Variants in RYR3 observed in about 807,000 individuals in gnomAD.
RYR3 encodes the protein ryanodine receptor 3.
Under a neutral mutation model 584.3 loss-of-function variants are expected in RYR3, and 207 were observed. That is an observed-to-expected ratio of 0.35 (90% CI 0.32 to 0.40). The LOEUF (loss-of-function observed/expected upper bound fraction) is 0.40. Ranked by LOEUF, RYR3 falls within the 10% of genes least tolerant of loss-of-function variation. The probability of loss-of-function intolerance (pLI) is 1.00; values close to 1 mark genes in which losing one functional copy is unlikely to be tolerated. For missense variants in RYR3, 5,616 were observed against 6,089.2 expected (o/e 0.92, Z 2.59); for synonymous variants, 2,416 against 2,248.5 (o/e 1.07, Z -2.11).
Position 33,622,375 on chromosome 15 carries a change from G to C in RYR3, c.2358-1432G>C, listed in dbSNP as rs571288387. Among the ~76,000 whole-genome samples the C allele has an allele frequency of 5.3e-5, 8 of 152,270 alleles. No individual in the cohort carries two copies. In the East Asian group the frequency reaches 1.4e-3, roughly 26 times the overall value. ...CTGAAATGCTCTTCCTCCAGATCTT[G>C]AGCTCACTGATTTCTCCTTACCCCT... On this transcript the variant is annotated intron_variant, in intron 19 of 103. Coordinates refer to ENST00000634891, the MANE Select transcript of RYR3 (RefSeq NM_001036.6).
At chr15:33,753,294 A>C (rs2071502429) in intron 57 of RYR3, among the ~76,000 whole-genome samples, 1 of 152,248 alleles carries the variant, frequency 6.6e-6, no homozygotes, top group Non-Finnish European at 1.5e-5. Flanking sequence ...TGACATAAGC[A>C]GTCTTGGAAC....
rs75286462 is a variant in RYR3 at position 33,838,496 on chromosome 15, G to C, written c.12516G>C (p.Val4172=). The C allele has an allele frequency of 0.037, 59,362 of 1,613,970 alleles. 1,448 individuals carry two copies. The highest frequency in any genetic ancestry group is 0.039 in the Non-Finnish European group (45,767 of 1,179,874). Reference sequence around the variant, plus strand: ...ACCTCAGGAAGCAGTACAGGAACGTGAAAAAGATGACTGCGAAGGAGCTGG... The same window carrying C: ...ACCTCAGGAAGCAGTACAGGAACGTCAAAAAGATGACTGCGAAGGAGCTGG... ...LKNLRKQYRN[V]KKMTAKELVK... Residue 4172 remains valine (V), a synonymous_variant, in exon 89 of 104, where the codon GTG becomes GTC. Transcript: ENST00000634891.
chr15:33,855,065 T>A, intron 98 of RYR3, 153 bp downstream of exon 98: 3 of 703,176 alleles, frequency 4.3e-6, no homozygotes, highest in Non-Finnish European at 6.1e-6. Context: ...GTGATTGTTT[T>A]TGCAAAATTG....
intron 38 of RYR3, among the ~76,000 whole-genome samples, chr15:33,671,384 G>A (rs898691644): frequency 2.0e-5 from 3 of 152,064 alleles, no homozygotes; most frequent in African/African-American, 7.2e-5. Context: ...CTTTCAAATC[G>A]TAGACTAGAG....
chr15:33,598,463 T>C (rs1355764474), intron 16 of RYR3, among the ~76,000 whole-genome samples: 2 of 151,974 alleles, frequency 1.3e-5, no homozygotes, highest in East Asian at 3.9e-4. Context: ...ATCACACAAA[T>C]TGTACGATTT....
chr15:33,633,230 C>A, intron 24 of RYR3, 122 bp downstream of exon 24: 1 of 885,684 alleles, frequency 1.1e-6, no homozygotes, highest in Non-Finnish European at 1.7e-6. Flanking sequence ...ATCCCTCACA[C>A]CTCAGTGTGT....
In RYR3 at chr15:33,628,594, G is replaced by A. The variant is rs1252142729; in HGVS notation, c.2679+19G>A. The A allele has an allele frequency of 6.7e-7, 1 of 1,502,252 alleles. No homozygotes were observed. Among genetic ancestry groups the A allele is most frequent in the East Asian group, 2.3e-5 (1 of 44,294 alleles). 93.1% of individuals were successfully genotyped at this position (1,502,252 alleles called of 1,614,324 possible). A position where few individuals can be genotyped will look rare whatever the true frequency, so the allele number is the denominator to read the frequency against. ...CGGCAAGGTATGTGTCTCAGGGCCA[G>A]GTTAGGGTGGAGGGTGGGATTGCCT... On this transcript the variant is annotated intron_variant, in intron 21 of 103. Coordinates refer to ENST00000634891, the MANE Select transcript of RYR3 (RefSeq NM_001036.6).
intron 1 of RYR3, among the ~76,000 whole-genome samples, chr15:33,446,176 A>G (rs933863270): frequency 6.6e-6 from 1 of 152,168 alleles, no homozygotes; most frequent in Non-Finnish European, 1.5e-5. Flanking sequence ...TGACCTCACT[A>G]ACTTCTGCTT....
At chr15:33,853,135 G>C (rs1248103700) in intron 95 of RYR3, 48 bp downstream of exon 95, 1 of 1,483,876 alleles carries the variant, frequency 6.7e-7, no homozygotes, top group South Asian at 1.3e-5. Context: ...AAAAAATGTG[G>C]TGTATGTTTT....
At position 33,838,821 on chromosome 15, in the gene RYR3, C is replaced by T. The variant is rs2078192089; in HGVS notation, c.12841C>T (p.Leu4281Phe). The change falls in exon 89 of 104, where the codon CTC (leucine) becomes TTC (phenylalanine). Residue 4281 changes from leucine to phenylalanine, a missense_variant. Physicochemically the swap from Leu to Phe is conservative, Grantham distance 22. Transcript: ENST00000634891. ...GGGAGATACAGATATCATGTCAGAC[C>T]TCTTTGGACTCCACCCAAAGAAAGA... ...EKGDTDIMSD[L>F]FGLHPKKEGS... is the part of the protein sequence containing the mutation. The T allele has an allele frequency of 1.2e-6, 2 of 1,613,880 alleles. No individual in the cohort carries two copies. The highest frequency in any genetic ancestry group is 1.3e-5 in the African/African-American group (1 of 75,010).
At chr15:33,856,973 C>T (rs143614597) in intron 98 of RYR3, among the ~76,000 whole-genome samples, 203 of 152,174 alleles carry the variant, frequency 1.3e-3, no homozygotes, top group African/African-American at 4.5e-3. Context: ...GTTTTTTAAG[C>T]AGCAGCATTA....
intron 67 of RYR3, among the ~76,000 whole-genome samples, chr15:33,794,110 A>ATACATAAATAAATATATATAAAT (rs1488725993): frequency 0.11 from 4,813 of 45,754 alleles, 135 homozygotes; most frequent in East Asian, 0.39. Flanking sequence ...ATATAAATAT[A>ATACATAAATAAATATATATAAAT]ATATACATAA....
chr15:33,650,146 A>G (rs941454083), intron 31 of RYR3, among the ~76,000 whole-genome samples: 1 of 152,176 alleles, frequency 6.6e-6, no homozygotes, highest in Admixed American at 6.5e-5. Flanking sequence ...TGGGAGGCCA[A>G]GGCGGGCGGA....
At position 33,699,850 on chromosome 15, in the gene RYR3, G is replaced by T. The variant is rs772735624; in HGVS notation, c.6379+17G>T. The T allele has an allele frequency of 3.1e-6, 5 of 1,603,534 alleles. No individual in the cohort carries two copies. The highest frequency in any genetic ancestry group is 4.3e-6 in the Non-Finnish European group (5 of 1,172,276). On this transcript the variant is annotated intron_variant, in intron 41 of 103. Coordinates refer to ENST00000634891, the MANE Select transcript of RYR3 (RefSeq NM_001036.6). ...TTGGCCTAGGTGCGTAAGTCTTCTT[G>T]TAACTTCCACATCCAAACTCGAAGG...
chr15:33,352,666 G>A (rs1973439472), intron 1 of RYR3, among the ~76,000 whole-genome samples: 1 of 152,162 alleles, frequency 6.6e-6, no homozygotes, highest in Non-Finnish European at 1.5e-5. Flanking sequence ...TACTCTTTAA[G>A]CTAACAATGC....
chr15:33,336,436 AAGAAAGAGAGAG>A (rs1364006650), intron 1 of RYR3, among the ~76,000 whole-genome samples: 8 of 17,524 alleles, frequency 4.6e-4, no homozygotes, highest in Admixed American at 1.1e-3. Flanking sequence ...GAAAGAAAGA[AAGAAAGAGAGAG>A]AGAGAGAGAG....
chr15:33,753,331 C>A (rs1433098346), intron 57 of RYR3, among the ~76,000 whole-genome samples: 1 of 152,200 alleles, frequency 6.6e-6, no homozygotes, highest in African/African-American at 2.4e-5. Context: ...TATGAAGATA[C>A]AACTCTACTG....
At chr15:33,694,158 G>GAA (rs11421687) in intron 38 of RYR3, among the ~76,000 whole-genome samples, 5 of 151,046 alleles carry the variant, frequency 3.3e-5, no homozygotes, top group South Asian at 2.1e-4. Context: ...TAATATCATG[G>GAA]AAAAAAAATA....
At chr15:33,582,204 G>C (rs2058628341) in intron 14 of RYR3, among the ~76,000 whole-genome samples, 1 of 152,166 alleles carries the variant, frequency 6.6e-6, no homozygotes, top group Non-Finnish European at 1.5e-5. Flanking sequence ...ATAGGCCTAG[G>C]CCACCCGCCT....
Sources: gnomAD v4.1 joint callset for allele counts (sites outside exome capture counted in the v4.1 genomes callset) on GRCh38, gnomAD v4.1.1 for gene constraint, MANE v1.5 for transcripts, NCBI Gene and HGNC (gene_info 2026-07-23, HGNC 2026-07-21) for gene names.